The following PTPRD variants were observed in gnomAD, a reference collection of about 807,000 sequenced individuals.
PTPRD encodes the protein receptor-type tyrosine-protein phosphatase delta.
In PTPRD, 34 loss-of-function variants were observed where a neutral mutation model predicts 214.5. The ratio of observed to expected loss-of-function variants is 0.16; its 90% CI spans 0.12 to 0.21. The LOEUF is 0.21. Among genes scored for constraint, PTPRD ranks in the 10% least tolerant of loss-of-function variants. The pLI is 1.00. For synonymous variants in PTPRD, 1,128 were observed against 845.7 expected (o/e 1.33, Z -5.79); for missense variants, 2,545 against 2,398.7 (o/e 1.06, Z -1.27).
intron 11 of PTPRD, among the ~76,000 whole-genome samples, chr9:8,922,289 A>G (rs990894612): frequency 1.3e-5 from 2 of 152,184 alleles, no homozygotes; most frequent in African/African-American, 2.4e-5. Flanking sequence ...CATCAATACC[A>G]GGACTTTCAG....
chr9:9,345,691 T>C (rs969014354), intron 9 of PTPRD, among the ~76,000 whole-genome samples: 8 of 152,124 alleles, frequency 5.3e-5, no homozygotes, highest in African/African-American at 1.9e-4. Context: ...ATGCAAATCC[T>C]GATCATAATG....
intron 8 of PTPRD, among the ~76,000 whole-genome samples, chr9:9,436,517 C>T (rs10759072): frequency 0.37 from 55,481 of 151,830 alleles, 10,211 homozygotes; most frequent in Middle Eastern, 0.45. Flanking sequence ...ATGGAGTTTA[C>T]AGATGCATCC....
rs111262586 is a variant in PTPRD, at chr9:8,920,270, G to C, written c.-104+98427C>G. On this transcript the variant is annotated intron_variant, in intron 11 of 45. Coordinates refer to ENST00000381196, the MANE Select transcript of PTPRD (RefSeq NM_002839.4). Reference sequence around the variant, plus strand: ...GCAGGAGAATTGCTTGAACCCAGGAGGCAGAGGTTGCAGTGAGCCAAGATT... The same window carrying C: ...GCAGGAGAATTGCTTGAACCCAGGACGCAGAGGTTGCAGTGAGCCAAGATT... 4.0e-3 allele frequency among the ~76,000 whole-genome samples: 610 copies of C among 152,124 alleles called. 3 individuals are homozygous for C. Among genetic ancestry groups the C allele is most frequent in the African/African-American group, 0.014 (576 of 41,480 alleles).
At chr9:9,918,974 ATTGT>A (rs956729795) in intron 5 of PTPRD, among the ~76,000 whole-genome samples, 1 of 152,064 alleles carries the variant, frequency 6.6e-6, no homozygotes, top group African/African-American at 2.4e-5. Flanking sequence ...GAATGCCATT[ATTGT>A]TTTTTATTCT....
intron 44 of PTPRD, among the ~76,000 whole-genome samples, chr9:8,327,837 C>G (rs560762600): frequency 6.6e-6 from 1 of 152,134 alleles, no homozygotes; most frequent in East Asian, 1.9e-4. Flanking sequence ...GGATTGTATC[C>G]CCTGCTTTGT....
chr9:9,166,935 C>T (rs2099905526), intron 10 of PTPRD, among the ~76,000 whole-genome samples: 1 of 152,136 alleles, frequency 6.6e-6, no homozygotes, highest in Admixed American at 6.5e-5. Context: ...TTCATAACAA[C>T]TTAGAACCTC....
At chr9:9,914,217 T>A (rs1461283523) in intron 5 of PTPRD, among the ~76,000 whole-genome samples, 3 of 152,116 alleles carry the variant, frequency 2.0e-5, no homozygotes, top group Non-Finnish European at 4.4e-5. Context: ...GTTCCTGCAT[T>A]CAGGGTCTGA....
At position 9,050,260 on chromosome 9, in the gene PTPRD, C is replaced by A. The variant is rs572742780; in HGVS notation, c.-142-31525G>T. Among the ~76,000 whole-genome samples the A allele has an allele frequency of 2.0e-5, 3 of 152,090 alleles. No homozygotes were observed. In the South Asian group the frequency reaches 6.2e-4, roughly 32 times the overall value. On this transcript the variant is annotated intron_variant, in intron 10 of 45. Transcript: ENST00000381196. ...TGTTCAATGTACTGATAAAACTAGT[C>A]GATAAAACTAGTCATGACACTGAAA...
At chr9:10,446,725 A>C (rs1329212528) in intron 2 of PTPRD, among the ~76,000 whole-genome samples, 2 of 152,162 alleles carry the variant, frequency 1.3e-5, no homozygotes, top group African/African-American at 2.4e-5. Flanking sequence ...CCTAATCACC[A>C]GTAAACCTCA....
At chr9:10,038,291 A>G (rs1428170091) in intron 3 of PTPRD, among the ~76,000 whole-genome samples, 1 of 152,122 alleles carries the variant, frequency 6.6e-6, no homozygotes, top group Non-Finnish European at 1.5e-5. Flanking sequence ...ATGGCCTAAT[A>G]CAAAGCCATA....
chr9:8,422,511 C>A (rs764110186), intron 35 of PTPRD, among the ~76,000 whole-genome samples: 2 of 152,108 alleles, frequency 1.3e-5, no homozygotes, highest in Non-Finnish European at 2.9e-5. Context: ...GAGACTTCAG[C>A]CACGTCACTT....
chr9:8,775,645 T>C (rs944606902), intron 11 of PTPRD, among the ~76,000 whole-genome samples: 7 of 152,228 alleles, frequency 4.6e-5, no homozygotes, highest in African/African-American at 1.7e-4. Context: ...ATGGGCATTT[T>C]GCATGATGCT....
intron 9 of PTPRD, among the ~76,000 whole-genome samples, chr9:9,213,516 TTTTG>T (rs77772280): frequency 4.6e-5 from 7 of 151,566 alleles, no homozygotes; most frequent in South Asian, 2.1e-4. Context: ...TTTCCTGGTT[TTTTG>T]TTTGTTTGTT....
chr9:8,575,080 G>T (rs1185997426), intron 14 of PTPRD, among the ~76,000 whole-genome samples: 2 of 152,032 alleles, frequency 1.3e-5, no homozygotes, highest in African/African-American at 4.8e-5. Flanking sequence ...AACTGTCCTC[G>T]TACTCTACGA....
At position 9,606,965 on chromosome 9, in the gene PTPRD, T is replaced by TAAAAAAAAAA. The variant is rs754610072; in HGVS notation, c.-286-32194_-286-32185dup. Among the ~76,000 whole-genome samples the TAAAAAAAAAA allele has an allele frequency of 7.3e-4, 20 of 27,488 alleles. 4 individuals are homozygous for TAAAAAAAAAA. Among genetic ancestry groups the TAAAAAAAAAA allele is most frequent in the East Asian group, 4.0e-3 (2 of 498 alleles). 18.0% of individuals were successfully genotyped at this position (27,488 alleles called of 152,430 possible). A position where few individuals can be genotyped will look rare whatever the true frequency, so the allele number is the denominator to read the frequency against. Reference sequence around the variant, plus strand: ...GCAGTATCTGATTACTCAGCACTGCTAAAAAAAAAAAAAAAAAAAAAAAAA... The same window carrying TAAAAAAAAAA: ...GCAGTATCTGATTACTCAGCACTGCTAAAAAAAAAAAAAAAAAAAAAAAAAAAAAAAAAAA... On this transcript the variant is annotated intron_variant, in intron 7 of 45. Coordinates refer to ENST00000381196, the MANE Select transcript of PTPRD (RefSeq NM_002839.4).
chr9:9,806,115 G>A (rs888757840), intron 5 of PTPRD, among the ~76,000 whole-genome samples: 10 of 152,088 alleles, frequency 6.6e-5, no homozygotes, highest in African/African-American at 2.4e-4. Context: ...TAAGATGCAC[G>A]GGTCTTATTT....
intron 11 of PTPRD, among the ~76,000 whole-genome samples, chr9:8,954,956 TC>T (rs2099123451): frequency 6.6e-6 from 1 of 151,968 alleles, no homozygotes; most frequent in Non-Finnish European, 1.5e-5. Context: ...TTTCTCAGAT[TC>T]ATCTTCTGTA....
At chr9:9,463,779 T>A (rs1211792680) in intron 8 of PTPRD, among the ~76,000 whole-genome samples, 1 of 151,906 alleles carries the variant, frequency 6.6e-6, no homozygotes, top group Non-Finnish European at 1.5e-5. Context: ...TCGTTTCTTT[T>A]GAATAAACAC....
intron 11 of PTPRD, among the ~76,000 whole-genome samples, chr9:8,816,745 T>G (rs2096927611): frequency 6.6e-6 from 1 of 152,234 alleles, no homozygotes; most frequent in Non-Finnish European, 1.5e-5. Flanking sequence ...GTTAAATTAC[T>G]CAAGTTCAGT....
Sources: gnomAD v4.1 joint callset for allele counts (sites outside exome capture counted in the v4.1 genomes callset) on GRCh38, gnomAD v4.1.1 for gene constraint, MANE v1.5 for transcripts, NCBI Gene and HGNC (gene_info 2026-07-23, HGNC 2026-07-21) for gene names.